Variants in SLC7A6 observed in about 807,000 individuals in gnomAD.
The protein encoded by SLC7A6 is Y+L amino acid transporter 2.
SLC7A6 carries 29 observed loss-of-function variants against 46.6 expected under a neutral mutation model. The observed-to-expected ratio is 0.62, with a 90% CI of 0.46 to 0.85. The LOEUF (loss-of-function observed/expected upper bound fraction) is 0.85. SLC7A6 is among the 40% of genes least tolerant of loss of function. SLC7A6 has a pLI of 0.00. For missense variants in SLC7A6, 527 were observed against 647.6 expected, an observed-to-expected ratio of 0.81 and a Z score of 2.02; for synonymous variants, 276 against 257.3, an observed-to-expected ratio of 1.07 and a Z score of -0.70.
chr16:68,285,621 T>A (rs2042914766), intron 3 of SLC7A6, among the ~76,000 whole-genome samples: 1 of 152,236 alleles, frequency 6.6e-6, no homozygotes, highest in South Asian at 2.1e-4. Context: ...GCCTGGCACC[T>A]GCCACCTGTG....
At chr16:68,291,762 G>GGTGTGTGTGTGGGTGT (rs2043055872) in intron 7 of SLC7A6, 101 bp downstream of exon 7, 1 of 508,314 alleles carries the variant, frequency 2.0e-6, no homozygotes, top group African/African-American at 2.2e-5. Context: ...GGGCATATAG[G>GGTGTGTGTGTGGGTGT]GTGTGTGTGT....
chr16:68,282,421 C>CA (rs1348109448), intron 3 of SLC7A6, among the ~76,000 whole-genome samples: 9 of 151,846 alleles, frequency 5.9e-5, no homozygotes, highest in South Asian at 2.1e-4. Context: ...CAAAATAAAA[C>CA]AAAAAACCAC....
intron 3 of SLC7A6, chr16:68,284,814 G>A (rs1239474357): frequency 6.7e-6 from 1 of 149,234 alleles, no homozygotes; most frequent in Non-Finnish European, 1.3e-5. Flanking sequence ...CTGCCTCCTT[G>A]TCTCTTATCT....
chr16:68,294,946 C>T (rs184053300), intron 8 of SLC7A6, 145 bp downstream of exon 8: 2 of 591,262 alleles, frequency 3.4e-6, no homozygotes, highest in African/African-American at 1.9e-5. Flanking sequence ...TCATTTAATT[C>T]TTTTATGGTT....
chr16:68,288,137 G>T (rs1480572428), intron 4 of SLC7A6, among the ~76,000 whole-genome samples: 2 of 152,196 alleles, frequency 1.3e-5, no homozygotes, highest in Non-Finnish European at 2.9e-5. Flanking sequence ...GGGCCTAGGA[G>T]CTCCTGAAGC....
intron 3 of SLC7A6, among the ~76,000 whole-genome samples, chr16:68,281,893 G>A (rs1302125647): frequency 1.3e-5 from 2 of 152,172 alleles, no homozygotes; most frequent in African/African-American, 4.8e-5. Flanking sequence ...CTGACACAGC[G>A]GCATCAAAGC....
Position 68,274,853 on chromosome 16 carries a change from AAGG to A in SLC7A6, c.130_132del (p.Glu44del). ...GTCCTCCGAAACTATGCAGCTGAAG[AAGG>A]AGATCTCCCTGCTGAATGGGGTCAG... On this transcript the variant is annotated inframe_deletion, in exon 3 of 11. Coordinates refer to ENST00000219343, the MANE Select transcript of SLC7A6 (RefSeq NM_003983.6). 1 of 1,614,202 alleles carries A rather than the reference AAGG, an allele frequency of 6.2e-7. No individual in the cohort carries two copies. Among genetic ancestry groups the A allele is most frequent in the Non-Finnish European group, 8.5e-7 (1 of 1,180,038 alleles).
chr16:68,296,583 TTCC>T (rs1329580682), intron 9 of SLC7A6, 41 bp from the exon 10 acceptor site: 5 of 1,613,442 alleles, frequency 3.1e-6, no homozygotes, highest in Non-Finnish European at 4.2e-6. Context: ...CACGAGCTGT[TTCC>T]TCTTCCCACG....
chr16:68,296,263 G>C, intron 8 of SLC7A6, 101 bp from the exon 9 acceptor site: 1 of 1,314,424 alleles, frequency 7.6e-7, no homozygotes, highest in Non-Finnish European at 1.1e-6. Flanking sequence ...AGGTAATCTG[G>C]TGAAGTGGCA....
intron 9 of SLC7A6, 29 bp downstream of exon 9, chr16:68,296,542 G>A (rs1567596767): frequency 6.2e-7 from 1 of 1,614,108 alleles, no homozygotes; most frequent in Non-Finnish European, 8.5e-7. Context: ...ACTAGGAGGG[G>A]TGGGCCATCT....
At position 68,296,367 on chromosome 16, in the gene SLC7A6, A is replaced by C. The variant is rs1337917509; in HGVS notation, c.1123A>C (p.Thr375Pro). The change falls in exon 9 of 11, where the codon ACC (threonine) becomes CCC (proline). Residue 375 changes from threonine to proline, a missense_variant. Coordinates refer to ENST00000219343, the MANE Select transcript of SLC7A6 (RefSeq NM_003983.6). ...TPIPALLFNC[T>P]MALIYLIVED... ...TCTCCCCACCCCTTTCCCACAGTGC[A>C]CCATGGCACTCATCTACCTCATCGT... 5.0e-6 allele frequency: 8 copies of C among 1,613,718 alleles called. No homozygotes were observed. The highest frequency in any genetic ancestry group is 5.9e-6 in the Non-Finnish European group (7 of 1,180,000).
rs1295355264 is a variant in SLC7A6 at position 68,280,364 on chromosome 16, C to G, written c.523+5115C>G. On this transcript the variant is annotated intron_variant, in intron 3 of 10. Coordinates refer to ENST00000219343, the MANE Select transcript of SLC7A6 (RefSeq NM_003983.6). ...GAGGGCCCAGGAAGTCTGTATATAA[C>G]CAACTCTAGGGCAGAGGCTGCCAGC... Among the ~76,000 whole-genome samples, 3 of 152,192 alleles carry G rather than the reference C, an allele frequency of 2.0e-5. No homozygotes were observed. In the East Asian group the frequency reaches 5.8e-4, roughly 29 times the overall value.
chr16:68,266,277 A>G (rs1017810599), intron 1 of SLC7A6, among the ~76,000 whole-genome samples: 1 of 152,056 alleles, frequency 6.6e-6, no homozygotes, highest in African/African-American at 2.4e-5. Flanking sequence ...AAAGAAAAAA[A>G]GTTATGTAAA....
chr16:68,272,370 A>G (rs905768223), intron 2 of SLC7A6, among the ~76,000 whole-genome samples: 3 of 152,212 alleles, frequency 2.0e-5, no homozygotes, highest in African/African-American at 7.2e-5. Flanking sequence ...TGGAGGCTGC[A>G]GTGAGCTATG....
chr16:68,265,074 G>A (rs1030358515), intron 1 of SLC7A6, among the ~76,000 whole-genome samples: 1 of 152,222 alleles, frequency 6.6e-6, no homozygotes, highest in African/African-American at 2.4e-5. Context: ...AAAGAAAGAC[G>A]CGGGCTCAGG....
In SLC7A6 at chr16:68,291,168, G is replaced by A. The variant is rs770391271; in HGVS notation, c.795-41G>A. On this transcript the variant is annotated intron_variant, in intron 5 of 10. Coordinates refer to ENST00000219343, the MANE Select transcript of SLC7A6 (RefSeq NM_003983.6). ...ACTTGATAAACTTTGTTCCCAAGGA[G>A]AGGTTGGTTCTAGGTAGTCCTTTCT... 3 of 1,613,846 alleles carry A rather than the reference G, an allele frequency of 1.9e-6. No homozygotes were observed. In the Admixed American group the frequency reaches 5.0e-5, roughly 27 times the overall value.
chr16:68,277,039 T>C (rs1210807346), intron 3 of SLC7A6, among the ~76,000 whole-genome samples: 1 of 151,834 alleles, frequency 6.6e-6, no homozygotes, highest in African/African-American at 2.4e-5. Context: ...GCATGTTTAT[T>C]TAGAAAATTA....
At chr16:68,282,434 A>G (rs1490065611) in intron 3 of SLC7A6, among the ~76,000 whole-genome samples, 1 of 152,086 alleles carries the variant, frequency 6.6e-6, no homozygotes, top group African/African-American at 2.4e-5. Context: ...AAAACCACAA[A>G]AAAACAAGGA....
chr16:68,293,510 A>C (rs903239473), intron 7 of SLC7A6, among the ~76,000 whole-genome samples: 27 of 152,206 alleles, frequency 1.8e-4, no homozygotes, highest in African/African-American at 6.5e-4. Context: ...CTGACACCCT[A>C]GCCTCCCCCT....
Sources: allele counts gnomAD v4.1 joint callset (sites outside exome capture counted in the v4.1 genomes callset), GRCh38; gene constraint gnomAD v4.1.1; transcripts MANE v1.5; gene names NCBI Gene and HGNC (gene_info 2026-07-23, HGNC 2026-07-21).